MTUS1: variants seen among roughly 807,000 people sequenced by gnomAD.
MTUS1 encodes the protein microtubule associated scaffold protein 1.
MTUS1 carries 109 observed loss-of-function variants against 120.8 expected under a neutral mutation model. The observed-to-expected ratio is 0.90, with a 90% CI of 0.77 to 1.06. The LOEUF is 1.06. Among genes scored for constraint, MTUS1 ranks in the 50% least tolerant of loss-of-function variants. MTUS1 has a pLI of 0.00. For missense variants in MTUS1, 2,210 were observed against 1,486.3 expected (o/e 1.49, Z -8.01); for synonymous variants, 737 against 550.5 (o/e 1.34, Z -4.74).
rs75438532 is a variant in MTUS1, at chr8:17,726,615, T to G, written c.2288-2782A>C. On this transcript the variant is annotated intron_variant, in intron 3 of 14. Transcript: ENST00000693296. ...GCTTAACCCATTTTTACAAGCTTAT[T>G]TGAATCTTCAGTCTATTAGAGACTT... 5.2e-3 allele frequency among the ~76,000 whole-genome samples: 794 copies of G among 152,354 alleles called. 6 individuals are homozygous for G. Among genetic ancestry groups the G allele is most frequent in the African/African-American group, 0.018 (758 of 41,586 alleles).
At position 17,653,461 on chromosome 8, in the gene MTUS1, A is replaced by C. The variant is rs989047262; in HGVS notation, c.3252T>G (p.Leu1084=). The C allele has an allele frequency of 6.2e-7, 1 of 1,612,778 alleles. No individual in the cohort carries two copies. The highest frequency in any genetic ancestry group is 8.5e-7 in the Non-Finnish European group (1 of 1,179,456). The change falls in exon 11 of 15, where the codon CTT becomes CTG. Residue 1084 remains leucine, a synonymous_variant. Transcript: ENST00000693296. ...CCTGCTTCTCAGAAAGTAAATCTTC[A>C]AGCGATTTCTTTTCTATTTCATGGC... The part of the protein sequence containing the change: ...KKGHEIEKKS[L]EDLLSEKQES...
At chr8:17,733,233 C>A (rs2046708724) in intron 3 of MTUS1, among the ~76,000 whole-genome samples, 1 of 152,020 alleles carries the variant, frequency 6.6e-6, no homozygotes, top group Non-Finnish European at 1.5e-5. Flanking sequence ...CACCTACAAT[C>A]TCAGCTACTC....
chr8:17,662,051 G>T (rs954821427), intron 8 of MTUS1, among the ~76,000 whole-genome samples: 1 of 152,192 alleles, frequency 6.6e-6, no homozygotes. Context: ...ATAAACGTGT[G>T]TGTGTGGCGG....
At position 17,694,394 on chromosome 8, in the gene MTUS1, G is replaced by A. The variant is rs139526155; in HGVS notation, c.2624-9852C>T. Among the ~76,000 whole-genome samples, 5 of 152,328 alleles carry A rather than the reference G, an allele frequency of 3.3e-5. No homozygotes were observed. In the East Asian group the frequency reaches 7.7e-4, roughly 24 times the overall value. ...TCAAAGGTGAGGTTTGGCCAGACGT[G>A]GTAGCTCATGTCTGTAATCCCAGCA... is the stretch of plus-strand genomic sequence containing the variant. On this transcript the variant is annotated intron_variant, in intron 6 of 14. Coordinates refer to ENST00000693296, the MANE Select transcript of MTUS1 (RefSeq NM_001363059.2).
chr8:17,769,280 CAGCATGTGGA>C (rs1460765600), intron 1 of MTUS1, among the ~76,000 whole-genome samples: 1 of 149,176 alleles, frequency 6.7e-6, no homozygotes, highest in Admixed American at 6.7e-5. Context: ...ACCTCCAAAC[CAGCATGTGGA>C]AGACCTTACA....
intron 6 of MTUS1, among the ~76,000 whole-genome samples, chr8:17,687,247 G>A (rs1467725306): frequency 6.6e-6 from 1 of 152,086 alleles, no homozygotes; most frequent in Non-Finnish European, 1.5e-5. Context: ...GCTCCCTAAG[G>A]ATGAAGTGTG....
intron 1 of MTUS1, among the ~76,000 whole-genome samples, chr8:17,787,828 C>T (rs1405206217): frequency 6.6e-6 from 1 of 152,146 alleles, no homozygotes; most frequent in Non-Finnish European, 1.5e-5. Context: ...CATCCAGTCA[C>T]GAAGACTTTC....
chr8:17,660,224 T>G (rs1024100897), intron 8 of MTUS1, among the ~76,000 whole-genome samples: 3 of 151,888 alleles, frequency 2.0e-5, no homozygotes, highest in Admixed American at 2.0e-4. Context: ...AATACAAAAA[T>G]TAGCGGGGCA....
Position 17,745,885 on chromosome 8 carries a change from G to C in MTUS1, c.2092-2086C>G, listed in dbSNP as rs527260478. On this transcript the variant is annotated intron_variant, in intron 2 of 14. Transcript: ENST00000693296. ...AATTGTAATCCCCAGTGCTGGAGGA[G>C]GGACCTGGTGGGAGGTAACTGGATC... Among the ~76,000 whole-genome samples the C allele has an allele frequency of 3.9e-5, 6 of 152,284 alleles. No individual in the cohort carries two copies. In the East Asian group the frequency reaches 1.2e-3, roughly 29 times the overall value.
intron 12 of MTUS1, among the ~76,000 whole-genome samples, chr8:17,650,471 C>T (rs1420922502): frequency 1.3e-5 from 2 of 152,172 alleles, no homozygotes; most frequent in African/African-American, 4.8e-5. Context: ...CTAGGGCAGA[C>T]ATAATACTAT....
intron 5 of MTUS1, among the ~76,000 whole-genome samples, chr8:17,714,708 G>C (rs992886819): frequency 6.6e-6 from 1 of 152,004 alleles, no homozygotes; most frequent in African/African-American, 2.4e-5. Context: ...TATACATACA[G>C]AGGAAAAAAG....
intron 13 of MTUS1, 105 bp from the exon 14 acceptor site, chr8:17,647,184 G>GA: frequency 1.2e-6 from 1 of 806,950 alleles, no homozygotes; most frequent in South Asian, 1.7e-5. Flanking sequence ...TTTAATTAAG[G>GA]AAAATGCAAT....
At chr8:17,664,666 C>G (rs968173125) in intron 8 of MTUS1, among the ~76,000 whole-genome samples, 1 of 152,052 alleles carries the variant, frequency 6.6e-6, no homozygotes, top group Non-Finnish European at 1.5e-5. Flanking sequence ...TCTTGTGCCC[C>G]ACCCCCAGAA....
chr8:17,707,319 C>T (rs1052205919), intron 6 of MTUS1, among the ~76,000 whole-genome samples: 1 of 152,180 alleles, frequency 6.6e-6, no homozygotes, highest in Non-Finnish European at 1.5e-5. Flanking sequence ...TCAAAGTCGT[C>T]TTTCCAAAGC....
At chr8:17,748,544 G>A (rs2047943332) in intron 2 of MTUS1, among the ~76,000 whole-genome samples, 1 of 152,172 alleles carries the variant, frequency 6.6e-6, no homozygotes, top group Non-Finnish European at 1.5e-5. Flanking sequence ...ACACACCGGT[G>A]TCCATGGATG....
chr8:17,668,465 CA>C (rs1483351492), intron 8 of MTUS1, among the ~76,000 whole-genome samples: 4 of 152,136 alleles, frequency 2.6e-5, no homozygotes, highest in African/African-American at 9.7e-5. Context: ...ATCCTAGAGG[CA>C]AAATGTCTGC....
At chr8:17,722,088 A>G in intron 4 of MTUS1, 1 of 1,333,034 alleles carries the variant, frequency 7.5e-7, no homozygotes, top group Non-Finnish European at 9.6e-7. Flanking sequence ...ACTGATTTGA[A>G]TGCTTAATCC....
At chr8:17,650,927 C>T (rs1211313722) in intron 12 of MTUS1, among the ~76,000 whole-genome samples, 2 of 152,226 alleles carry the variant, frequency 1.3e-5, no homozygotes, top group African/African-American at 2.4e-5. Flanking sequence ...GTGGTGTGGT[C>T]ATCAAGCTTA....
chr8:17,757,483 A>C (rs1233361915), intron 1 of MTUS1, among the ~76,000 whole-genome samples: 1 of 152,202 alleles, frequency 6.6e-6, no homozygotes, highest in Non-Finnish European at 1.5e-5. Context: ...TGAAACCATT[A>C]AAACACCCAC....
Sources: allele counts gnomAD v4.1 joint callset (sites outside exome capture counted in the v4.1 genomes callset), GRCh38; gene constraint gnomAD v4.1.1; transcripts MANE v1.5; gene names NCBI Gene and HGNC (gene_info 2026-07-23, HGNC 2026-07-21).